The following RELL1 variants were observed in gnomAD, a reference collection of about 807,000 sequenced individuals.
The protein encoded by RELL1 is RELT like 1, also known as RELT-like protein 1.
Under a neutral mutation model 23.0 loss-of-function variants are expected in RELL1, and 10 were observed. The ratio of observed to expected loss-of-function variants is 0.43; its 90% CI spans 0.27 to 0.74. RELL1 has a LOEUF of 0.74. RELL1 is among the 30% of genes least tolerant of loss of function. The pLI, the probability that RELL1 is intolerant of heterozygous loss-of-function variation, is 0.19. For synonymous variants in RELL1, 146 were observed against 146.8 expected (o/e 0.99, Z 0.04); for missense variants, 315 against 364.4 (o/e 0.86, Z 1.10).
chr4:37,626,764 T>C (rs1719966739), intron 6 of RELL1, among the ~76,000 whole-genome samples: 1 of 151,638 alleles, frequency 6.6e-6, no homozygotes, highest in Non-Finnish European at 1.5e-5. Flanking sequence ...CACATTACAT[T>C]GAGTGAAATA....
chr4:37,632,835 T>TTAG (rs1720189014), intron 5 of RELL1, among the ~76,000 whole-genome samples: 1 of 152,230 alleles, frequency 6.6e-6, no homozygotes, highest in Admixed American at 6.5e-5. Flanking sequence ...CATCACCAAA[T>TTAG]CCTAGAGTCT....
chr4:37,663,799 A>G (rs892446279), intron 1 of RELL1, among the ~76,000 whole-genome samples: 4 of 152,122 alleles, frequency 2.6e-5, no homozygotes, highest in Non-Finnish European at 4.4e-5. Flanking sequence ...TGACACATGC[A>G]TTTAGGTGGC....
intron 5 of RELL1, among the ~76,000 whole-genome samples, chr4:37,633,328 G>A (rs1321458918): frequency 1.4e-5 from 2 of 142,042 alleles, no homozygotes; most frequent in Non-Finnish European, 3.0e-5. Context: ...ACAATCGTTT[G>A]AGCCCAGGAG....
At chr4:37,666,640 A>C (rs1721542104) in intron 1 of RELL1, among the ~76,000 whole-genome samples, 1 of 152,174 alleles carries the variant, frequency 6.6e-6, no homozygotes, top group South Asian at 2.1e-4. Flanking sequence ...AAGGAATCAC[A>C]TGAGCTGGGC....
chr4:37,655,235 G>A (rs1721079763), intron 1 of RELL1, among the ~76,000 whole-genome samples: 1 of 123,134 alleles, frequency 8.1e-6, no homozygotes, highest in South Asian at 2.8e-4. Flanking sequence ...CATTCATTGT[G>A]ATGGGAAATA....
downstream of RELL1, among the ~76,000 whole-genome samples, chr4:37,589,227 C>T (rs982469962): frequency 9.9e-5 from 15 of 152,158 alleles, no homozygotes; most frequent in African/African-American, 2.4e-4. Flanking sequence ...ATTTTGTCCA[C>T]ATTGCATTTC....
downstream of RELL1, among the ~76,000 whole-genome samples, chr4:37,589,269 CT>C (rs1185389109): frequency 2.6e-5 from 4 of 152,290 alleles, no homozygotes; most frequent in African/African-American, 9.6e-5. Flanking sequence ...ACATAAACTT[CT>C]AACTAAGAAA....
chr4:37,604,924 C>CAT (rs1560324101), intron 6 of RELL1, among the ~76,000 whole-genome samples: 1 of 72,564 alleles, frequency 1.4e-5, no homozygotes, highest in Non-Finnish European at 2.9e-5. Context: ...CACACAGACA[C>CAT]ACACACACAG....
At chr4:37,660,788 T>C (rs1721303974) in intron 1 of RELL1, among the ~76,000 whole-genome samples, 1 of 152,034 alleles carries the variant, frequency 6.6e-6, no homozygotes, top group Non-Finnish European at 1.5e-5. Context: ...TCCCAGCACT[T>C]TGGGAGGCCA....
intron 1 of RELL1, among the ~76,000 whole-genome samples, chr4:37,653,921 A>G (rs146006712): frequency 3.5e-4 from 54 of 152,362 alleles, no homozygotes; most frequent in African/African-American, 1.3e-3. Flanking sequence ...CTGATGCTCC[A>G]TGGGGCATCA....
chr4:37,618,718 T>C (rs1192070479), intron 6 of RELL1, among the ~76,000 whole-genome samples: 1 of 152,232 alleles, frequency 6.6e-6, no homozygotes, highest in Admixed American at 6.5e-5. Flanking sequence ...ATTTATTAAT[T>C]GGAATAATTT....
In RELL1 at chr4:37,659,437, A is replaced by G. The variant is rs373746710; in HGVS notation, c.89-9937T>C. Among the ~76,000 whole-genome samples the G allele has an allele frequency of 1.8e-4, 28 of 152,294 alleles. No homozygotes were observed. The East Asian group carries it at 3.1e-3, about 17-fold the overall frequency. The stretch of plus-strand genomic sequence containing the variant: ...ATACTTGTATTTCCAACTGACCCCA[A>G]TGGTCAGAGGAGCCGAGACAGAATG... On this transcript the variant is annotated intron_variant, in intron 1 of 6. Transcript: ENST00000454158.
At chr4:37,657,571 G>A (rs574669667) in intron 1 of RELL1, among the ~76,000 whole-genome samples, 2 of 152,312 alleles carry the variant, frequency 1.3e-5, no homozygotes, top group East Asian at 3.9e-4. Context: ...AAAGGATACA[G>A]TTTTTCCTGA....
intron 5 of RELL1, among the ~76,000 whole-genome samples, chr4:37,633,975 G>A (rs116806658): frequency 4.1e-3 from 618 of 152,298 alleles, no homozygotes; most frequent in African/African-American, 0.014. Flanking sequence ...GTTGACTTTC[G>A]CTCAGTGCTC....
chr4:37,680,366 C>T (rs1177373914), intron 1 of RELL1, among the ~76,000 whole-genome samples: 2 of 152,108 alleles, frequency 1.3e-5, no homozygotes, highest in African/African-American at 2.4e-5. Context: ...TGTGGAAGTC[C>T]TCTGATATTT....
rs1718952477 is a variant in RELL1 at position 37,599,120 on chromosome 4, T to C, written c.*4-7903A>G. Among the ~76,000 whole-genome samples the C allele has an allele frequency of 2.6e-5, 4 of 152,114 alleles. No homozygotes were observed. In the South Asian group the frequency reaches 8.3e-4, roughly 31 times the overall value. On this transcript the variant is annotated intron_variant, in intron 6 of 6. Transcript: ENST00000314117. Reference sequence around the variant, plus strand: ...TATGTAAAATTGTATGTATTGTCAATTGGGATTAAAAGGGGGTTTTGTTCT... The same window carrying C: ...TATGTAAAATTGTATGTATTGTCAACTGGGATTAAAAGGGGGTTTTGTTCT...
At chr4:37,669,040 G>C (rs1258331112) in intron 1 of RELL1, among the ~76,000 whole-genome samples, 4 of 127,968 alleles carry the variant, frequency 3.1e-5, no homozygotes, top group Admixed American at 7.5e-5. Context: ...CAGCCGCCCC[G>C]TCCGGGAGGG....
intron 3 of RELL1, among the ~76,000 whole-genome samples, chr4:37,644,438 T>TTTTATTTTTATTTATTTA (rs1720633814): frequency 1.5e-5 from 2 of 137,882 alleles, no homozygotes; most frequent in Non-Finnish European, 3.1e-5. Flanking sequence ...TTATTTTTAT[T>TTTTATTTTTATTTATTTA]TTTATTTATT....
At chr4:37,679,816 G>GT (rs1214667678) in intron 1 of RELL1, among the ~76,000 whole-genome samples, 1 of 152,014 alleles carries the variant, frequency 6.6e-6, no homozygotes. Context: ...TTAGCTGGGC[G>GT]TGGTGCATGC....
Sources: gnomAD v4.1 joint callset for allele counts (sites outside exome capture counted in the v4.1 genomes callset) on GRCh38, gnomAD v4.1.1 for gene constraint, MANE v1.5 for transcripts, NCBI Gene and HGNC (gene_info 2026-07-23, HGNC 2026-07-21) for gene names.